GPC5: variants seen among roughly 807,000 people sequenced by gnomAD.
GPC5 encodes glypican 5.
GPC5 carries 47 observed loss-of-function variants against 53.9 expected under a neutral mutation model. The observed-to-expected ratio is 0.87, with a 90% confidence interval of 0.69 to 1.11. The LOEUF (loss-of-function observed/expected upper bound fraction) is 1.11. GPC5 is among the 50% of genes most tolerant of loss of function. The pLI, the probability that GPC5 is intolerant of heterozygous loss-of-function variation, is 0.00. For synonymous variants in GPC5, 286 were observed against 263.3 expected, an observed-to-expected ratio of 1.09 and a Z score of -0.84; for missense variants, 748 against 713.1, an observed-to-expected ratio of 1.05 and a Z score of -0.56.
At chr13:92,836,219 T>C (rs1195777277) in intron 7 of GPC5, among the ~76,000 whole-genome samples, 1 of 152,122 alleles carries the variant, frequency 6.6e-6, no homozygotes, top group Non-Finnish European at 1.5e-5. Flanking sequence ...TTTTATTCAA[T>C]ATTGTCCTCT....
intron 6 of GPC5, among the ~76,000 whole-genome samples, chr13:92,030,741 A>T (rs533148639): frequency 2.6e-5 from 4 of 152,338 alleles, no homozygotes; most frequent in African/African-American, 9.6e-5. Flanking sequence ...ACAAGTGCGC[A>T]CTGGCGTAGA....
intron 7 of GPC5, among the ~76,000 whole-genome samples, chr13:92,651,332 C>G (rs1342626881): frequency 6.6e-6 from 1 of 151,922 alleles, no homozygotes; most frequent in Non-Finnish European, 1.5e-5. Context: ...AGTGATATGC[C>G]TTGTTGATAA....
At chr13:92,184,449 C>T (rs1319582301) in intron 7 of GPC5, among the ~76,000 whole-genome samples, 1 of 151,984 alleles carries the variant, frequency 6.6e-6, no homozygotes, top group Admixed American at 6.5e-5. Flanking sequence ...AGGGAGTAGC[C>T]CCCTCTCCCT....
chr13:91,624,588 A>G (rs904402634), intron 2 of GPC5, among the ~76,000 whole-genome samples: 1 of 152,074 alleles, frequency 6.6e-6, no homozygotes, highest in Non-Finnish European at 1.5e-5. Flanking sequence ...TTAAAGTAGA[A>G]CATATTTTAT....
At chr13:91,624,599 A>G (rs977824892) in intron 2 of GPC5, among the ~76,000 whole-genome samples, 2 of 152,094 alleles carry the variant, frequency 1.3e-5, no homozygotes, top group African/African-American at 2.4e-5. Flanking sequence ...CATATTTTAT[A>G]TATCTATAAA....
intron 3 of GPC5, among the ~76,000 whole-genome samples, chr13:91,716,070 T>C (rs891906642): frequency 1.3e-5 from 2 of 152,130 alleles, no homozygotes; most frequent in African/African-American, 2.4e-5. Context: ...TGAGCCACCA[T>C]GCCTGGCCCA....
intron 7 of GPC5, among the ~76,000 whole-genome samples, chr13:92,735,967 G>C (rs1392953896): frequency 6.6e-6 from 1 of 151,846 alleles, no homozygotes; most frequent in African/African-American, 2.4e-5. Flanking sequence ...TGTAACACTG[G>C]AGAGTGCAAT....
At chr13:91,660,765 C>T (rs1414845239) in intron 2 of GPC5, among the ~76,000 whole-genome samples, 2 of 152,164 alleles carry the variant, frequency 1.3e-5, no homozygotes, top group South Asian at 4.1e-4. Context: ...CCATTTCTAT[C>T]TCAGAAATAC....
At chr13:91,424,986 T>C (rs1878938432) in intron 1 of GPC5, among the ~76,000 whole-genome samples, 1 of 152,204 alleles carries the variant, frequency 6.6e-6, no homozygotes, top group Non-Finnish European at 1.5e-5. Context: ...GAATCTGGGG[T>C]GTAATGAAGG....
intron 2 of GPC5, among the ~76,000 whole-genome samples, chr13:91,520,372 G>A (rs1885739042): frequency 6.6e-6 from 1 of 152,160 alleles, no homozygotes; most frequent in South Asian, 2.1e-4. Context: ...TTGCTTTGAA[G>A]GTATGTTTTG....
chr13:92,314,114 A>G (rs16947361), intron 7 of GPC5, among the ~76,000 whole-genome samples: 3,435 of 152,250 alleles, frequency 0.023, 141 homozygotes, highest in African/African-American at 0.079. Context: ...GAATTATATC[A>G]CATGTCATAT....
chr13:92,442,932 TAA>T (rs1877635393), intron 7 of GPC5, among the ~76,000 whole-genome samples: 2 of 152,184 alleles, frequency 1.3e-5, no homozygotes, highest in Admixed American at 1.3e-4. Flanking sequence ...TTGTTAGAAA[TAA>T]AGTAAAAAAT....
At chr13:92,849,705 C>T (rs1299407449) in intron 7 of GPC5, among the ~76,000 whole-genome samples, 1 of 151,968 alleles carries the variant, frequency 6.6e-6, no homozygotes, top group African/African-American at 2.4e-5. Context: ...CATATGGGTT[C>T]AATAGAAAAG....
chr13:92,164,192 T>G (rs946920867), intron 7 of GPC5, among the ~76,000 whole-genome samples: 19 of 152,142 alleles, frequency 1.2e-4, no homozygotes, highest in African/African-American at 3.9e-4. Context: ...TCCTCACATT[T>G]CAAAACACAA....
intron 7 of GPC5, among the ~76,000 whole-genome samples, chr13:92,568,364 C>A (rs565806058): frequency 1.4e-4 from 21 of 152,180 alleles, no homozygotes; most frequent in Middle Eastern, 3.4e-3. Context: ...TTGCATAAAA[C>A]TAAAAGAAAA....
At chr13:92,763,989 G>T (rs531471946) in intron 7 of GPC5, among the ~76,000 whole-genome samples, 3 of 152,226 alleles carry the variant, frequency 2.0e-5, no homozygotes, top group Admixed American at 2.0e-4. Context: ...CAGTGGACTA[G>T]CCCCCTAGAG....
chr13:92,472,187 G>A (rs1271909690), intron 7 of GPC5, among the ~76,000 whole-genome samples: 2 of 152,108 alleles, frequency 1.3e-5, no homozygotes, highest in African/African-American at 4.8e-5. Context: ...TACTCCTTCT[G>A]TATTTATTTT....
chr13:91,549,124 C>T (rs2030473071), intron 2 of GPC5, among the ~76,000 whole-genome samples: 1 of 151,994 alleles, frequency 6.6e-6, no homozygotes, highest in South Asian at 2.1e-4. Context: ...GAAAAATTGG[C>T]TGGGTATGGT....
At chr13:92,274,496 T>A (rs1242398040) in intron 7 of GPC5, among the ~76,000 whole-genome samples, 1 of 152,128 alleles carries the variant, frequency 6.6e-6, no homozygotes, top group Admixed American at 6.5e-5. Flanking sequence ...TTGTTCAGGA[T>A]CTTTAAACTC....
Sources: gnomAD v4.1 joint callset for allele counts (sites outside exome capture counted in the v4.1 genomes callset) on GRCh38, gnomAD v4.1.1 for gene constraint, MANE v1.5 for transcripts, NCBI Gene and HGNC (gene_info 2026-07-23, HGNC 2026-07-21) for gene names.